The following ZNF277 variants were observed in gnomAD, a reference collection of about 807,000 sequenced individuals.
The protein encoded by ZNF277 is nuclear receptor-interacting factor 4.
In ZNF277, 55 loss-of-function variants were observed where a neutral mutation model predicts 60.7. The observed-to-expected ratio is 0.91, with a 90% CI of 0.73 to 1.13. The LOEUF (loss-of-function observed/expected upper bound fraction) is 1.13. ZNF277 is among the 50% of genes most tolerant of loss of function. The pLI is 0.00. For synonymous variants in ZNF277, 178 were observed against 179.3 expected (o/e 0.99, Z 0.06); for missense variants, 510 against 523.0 (o/e 0.98, Z 0.24).
chr7:112,326,268 C>G (rs1172221167), intron 5 of ZNF277, among the ~76,000 whole-genome samples: 1 of 152,082 alleles, frequency 6.6e-6, no homozygotes, highest in Non-Finnish European at 1.5e-5. Context: ...ATGGCTCGGC[C>G]ACTCTAGGAG....
At chr7:112,330,479 G>C in intron 7 of ZNF277, 1 of 410,684 alleles carries the variant, frequency 2.4e-6, no homozygotes. Context: ...AAAAAATACA[G>C]CATTTGGATA....
chr7:112,296,888 T>TTTTATTTATTTATTTA lies in ZNF277; in HGVS notation c.465+589_465+604dup, dbSNP rs764539582. On this transcript the variant is annotated intron_variant, in intron 4 of 11. Coordinates refer to ENST00000361822, the MANE Select transcript of ZNF277 (RefSeq NM_021994.3). ...ATTTTATTTTATTTTCTTATTTTTA[T>TTTTATTTATTTATTTA]TTTATTTATTTATTTATTTATTTAT... is the stretch of plus-strand genomic sequence containing the variant. 5.0e-3 allele frequency among the ~76,000 whole-genome samples: 308 copies of TTTTATTTATTTATTTA among 62,140 alleles called. 3 individuals carry two copies. Among genetic ancestry groups the TTTTATTTATTTATTTA allele is most frequent in the Middle Eastern group, 9.4e-3 (1 of 106 alleles). 40.8% of individuals were successfully genotyped at this position (62,140 alleles called of 152,430 possible). A position where few individuals can be genotyped will look rare whatever the true frequency, so the allele number is the denominator to read the frequency against.
chr7:112,213,886 A>C (rs959020668), intron 1 of ZNF277, among the ~76,000 whole-genome samples: 1 of 152,242 alleles, frequency 6.6e-6, no homozygotes, highest in Admixed American at 6.5e-5. Context: ...CTCTTCTGTA[A>C]AATGAGTAAT....
At chr7:112,216,002 A>G (rs540579532) in intron 1 of ZNF277, among the ~76,000 whole-genome samples, 78 of 152,354 alleles carry the variant, frequency 5.1e-4, no homozygotes, top group African/African-American at 1.9e-3. Context: ...CTGAACTGTA[A>G]CATAACATCA....
intron 5 of ZNF277, among the ~76,000 whole-genome samples, chr7:112,324,551 G>A (rs1176305164): frequency 6.6e-6 from 1 of 152,028 alleles, no homozygotes; most frequent in East Asian, 1.9e-4. Context: ...ATCACATAAG[G>A]TGCCATCTCT....
intron 4 of ZNF277, among the ~76,000 whole-genome samples, chr7:112,307,705 C>T (rs981715273): frequency 7.2e-5 from 11 of 151,898 alleles, no homozygotes; most frequent in African/African-American, 2.7e-4. Context: ...TCAGCTTTTT[C>T]TCATTGATAG....
At position 112,305,692 on chromosome 7, in the gene ZNF277, C is replaced by T. The variant is rs192787393; in HGVS notation, c.465+9381C>T. On this transcript the variant is annotated intron_variant, in intron 4 of 11. Coordinates refer to ENST00000361822, the MANE Select transcript of ZNF277 (RefSeq NM_021994.3). ...AAAAACAAACCAAAAGACCTTCTTT[C>T]CTTTATATTTTAAATGTATTTACTC... 1.5e-3 allele frequency among the ~76,000 whole-genome samples: 230 copies of T among 151,912 alleles called. 1 individual carries two copies. Among genetic ancestry groups the T allele is most frequent in the Admixed American group, 3.8e-3 (58 of 15,260 alleles).
At chr7:112,243,185 G>A (rs1328637001) in intron 1 of ZNF277, among the ~76,000 whole-genome samples, 1 of 151,914 alleles carries the variant, frequency 6.6e-6, no homozygotes, top group Non-Finnish European at 1.5e-5. Flanking sequence ...AACTCAACAT[G>A]GATTAAAGAC....
intron 1 of ZNF277, among the ~76,000 whole-genome samples, chr7:112,208,087 T>TA (rs1335788661): frequency 1.3e-5 from 2 of 152,124 alleles, no homozygotes; most frequent in Non-Finnish European, 2.9e-5. Context: ...TAACTTATTT[T>TA]AAAAAATGGC....
chr7:112,264,792 T>C (rs1791512112), intron 1 of ZNF277, among the ~76,000 whole-genome samples: 2 of 152,184 alleles, frequency 1.3e-5, no homozygotes, highest in Admixed American at 1.3e-4. Flanking sequence ...TTTACACATA[T>C]TAAGTGTGCA....
At chr7:112,328,479 C>A (rs10243005) in intron 6 of ZNF277, 2 of 152,012 alleles carry the variant, frequency 1.3e-5, no homozygotes, top group Admixed American at 6.6e-5. Context: ...TAGGAAAGGG[C>A]CCAAAATTTT....
At chr7:112,275,960 T>A (rs746871316) in intron 1 of ZNF277, among the ~76,000 whole-genome samples, 1 of 152,202 alleles carries the variant, frequency 6.6e-6, no homozygotes, top group Non-Finnish European at 1.5e-5. Context: ...AATCTTAGAA[T>A]CTGCAGTGCT....
At chr7:112,300,258 T>C (rs1343140197) in intron 4 of ZNF277, among the ~76,000 whole-genome samples, 1 of 152,220 alleles carries the variant, frequency 6.6e-6, no homozygotes, top group Non-Finnish European at 1.5e-5. Context: ...CCAGTTTTCT[T>C]TTTGAAGAGC....
At chr7:112,330,922 G>A (rs907512404) in intron 7 of ZNF277, among the ~76,000 whole-genome samples, 1 of 152,060 alleles carries the variant, frequency 6.6e-6, no homozygotes, top group African/African-American at 2.4e-5. Flanking sequence ...AGAAACTGTT[G>A]AGTACTGGAT....
At chr7:112,255,622 A>G (rs904693599) in intron 1 of ZNF277, among the ~76,000 whole-genome samples, 4 of 152,208 alleles carry the variant, frequency 2.6e-5, no homozygotes. Context: ...GGAATCAGTA[A>G]CAATACAGTA....
At chr7:112,337,705 T>C in intron 8 of ZNF277, 25 bp from the exon 9 acceptor site, 2 of 1,595,914 alleles carry the variant, frequency 1.3e-6, no homozygotes, top group Non-Finnish European at 1.7e-6. Flanking sequence ...AATCTCCGTA[T>C]TTTCTCTCCT....
At position 112,338,918 on chromosome 7, in the gene ZNF277, C is replaced by A. The variant is rs1338715797; in HGVS notation, c.967-925C>A. Among the ~76,000 whole-genome samples the A allele has an allele frequency of 2.0e-5, 3 of 152,146 alleles. No homozygotes were observed. The East Asian group carries it at 5.8e-4, about 29-fold the overall frequency. ...CATATGGTGCTACACTAAATGCCAT[C>A]CCAGTGAGTTAAATGGTCTTTATCA... On this transcript the variant is annotated intron_variant, in intron 9 of 11. Coordinates refer to ENST00000361822, the MANE Select transcript of ZNF277 (RefSeq NM_021994.3).
At chr7:112,250,986 T>A (rs1172806508) in intron 1 of ZNF277, among the ~76,000 whole-genome samples, 4 of 152,212 alleles carry the variant, frequency 2.6e-5, no homozygotes, top group Non-Finnish European at 5.9e-5. Context: ...AAATATCAAC[T>A]TTTATGCCTA....
chr7:112,321,082 C>T (rs570191509), intron 5 of ZNF277, among the ~76,000 whole-genome samples: 3 of 151,446 alleles, frequency 2.0e-5, no homozygotes, highest in South Asian at 2.1e-4. Flanking sequence ...CAACCACGCC[C>T]GGCAAATTTT....
Sources: gnomAD v4.1 joint callset for allele counts (sites outside exome capture counted in the v4.1 genomes callset) on GRCh38, gnomAD v4.1.1 for gene constraint, MANE v1.5 for transcripts, NCBI Gene and HGNC (gene_info 2026-07-23, HGNC 2026-07-21) for gene names.